The following EYA1 variants were observed in gnomAD, a reference collection of about 807,000 sequenced individuals.
EYA1 encodes the protein protein phosphatase EYA1.
In EYA1, 16 loss-of-function variants were observed where a neutral mutation model predicts 82.0. The ratio of observed to expected loss-of-function variants is 0.20; its 90% CI spans 0.13 to 0.30. The LOEUF (loss-of-function observed/expected upper bound fraction) is 0.30. Ranked by LOEUF, EYA1 falls within the 10% of genes least tolerant of loss-of-function variation. The pLI is 1.00. For synonymous variants in EYA1, 261 were observed against 264.4 expected, an observed-to-expected ratio of 0.99 and a Z score of 0.12; for missense variants, 633 against 730.7, an observed-to-expected ratio of 0.87 and a Z score of 1.54.
intron 7 of EYA1, among the ~76,000 whole-genome samples, chr8:71,309,047 C>T (rs1229798368): frequency 6.6e-6 from 1 of 152,168 alleles, no homozygotes; most frequent in Non-Finnish European, 1.5e-5. Context: ...CTATTTAAAA[C>T]CAGGATTTTC....
intron 1 of EYA1, among the ~76,000 whole-genome samples, chr8:71,545,604 C>T (rs762834097): frequency 7.0e-6 from 1 of 143,018 alleles, no homozygotes; most frequent in Non-Finnish European, 1.5e-5. Flanking sequence ...CTCTGTCGCC[C>T]AGGCTGGAGT....
At chr8:71,543,199 T>C (rs1815288908) in intron 1 of EYA1, among the ~76,000 whole-genome samples, 1 of 152,174 alleles carries the variant, frequency 6.6e-6, no homozygotes. Context: ...TACTTTTATC[T>C]AGAAAGATCT....
chr8:71,335,798 AACAC>A (rs3837168), intron 3 of EYA1, among the ~76,000 whole-genome samples: 3 of 150,566 alleles, frequency 2.0e-5, no homozygotes, highest in Non-Finnish European at 4.4e-5. Context: ...CCTCCTTAAA[AACAC>A]ACACACACAC....
upstream of EYA1, among the ~76,000 whole-genome samples, chr8:71,365,632 T>C (rs1038903427): frequency 2.0e-5 from 3 of 152,188 alleles, no homozygotes; most frequent in Admixed American, 2.0e-4. Flanking sequence ...CACATAAATT[T>C]ATTTTTCTTA....
At chr8:71,292,591 A>C (rs1344211198) in intron 9 of EYA1, among the ~76,000 whole-genome samples, 1 of 152,062 alleles carries the variant, frequency 6.6e-6, no homozygotes, top group Non-Finnish European at 1.5e-5. Flanking sequence ...TAAGATGTTA[A>C]TATCTGGGTA....
intron 2 of EYA1, among the ~76,000 whole-genome samples, chr8:71,422,748 C>T (rs1399985955): frequency 2.6e-5 from 4 of 151,956 alleles, no homozygotes; most frequent in Non-Finnish European, 5.9e-5. Flanking sequence ...GGGAAAAGCC[C>T]CTTATAAAAC....
intron 7 of EYA1, among the ~76,000 whole-genome samples, chr8:71,314,340 G>C (rs1821668503): frequency 6.6e-6 from 1 of 152,146 alleles, no homozygotes. Context: ...TCACAATTAA[G>C]TACCCAAATC....
chr8:71,418,826 G>C (rs1196663334), intron 2 of EYA1, among the ~76,000 whole-genome samples: 1 of 152,030 alleles, frequency 6.6e-6, no homozygotes, highest in Non-Finnish European at 1.5e-5. Flanking sequence ...AGGGAGGGAG[G>C]TGCTCTTCTA....
intron 10 of EYA1, 136 bp from the exon 11 acceptor site, chr8:71,269,959 C>A: frequency 1.4e-6 from 1 of 721,624 alleles, no homozygotes; most frequent in Non-Finnish European, 2.5e-6. Context: ...AAAAAAAACA[C>A]AACTGTTTCA....
chr8:71,530,729 TTA>T (rs1449855934), intron 2 of EYA1: 6 of 152,228 alleles, frequency 3.9e-5, no homozygotes, highest in Non-Finnish European at 7.3e-5. Flanking sequence ...AAGTCACCTT[TTA>T]TTTCTAGCAT....
At chr8:71,350,391 G>T (rs989832027) in intron 3 of EYA1, among the ~76,000 whole-genome samples, 1 of 151,912 alleles carries the variant, frequency 6.6e-6, no homozygotes, top group Admixed American at 6.6e-5. Context: ...GATAAAAACA[G>T]CTTAAGATAG....
intron 2 of EYA1, among the ~76,000 whole-genome samples, chr8:71,399,063 T>C (rs1829800712): frequency 6.6e-6 from 1 of 152,186 alleles, no homozygotes; most frequent in South Asian, 2.1e-4. Context: ...TAGCAGTAAG[T>C]GAGGCTCTGT....
intron 12 of EYA1, among the ~76,000 whole-genome samples, chr8:71,236,780 G>A (rs551064633): frequency 1.3e-5 from 2 of 152,280 alleles, no homozygotes; most frequent in South Asian, 2.1e-4. Context: ...AAAAGATATA[G>A]GACAAGTGTT....
chr8:71,221,158 TC>T (rs1340730410), intron 12 of EYA1, among the ~76,000 whole-genome samples: 3 of 152,192 alleles, frequency 2.0e-5, no homozygotes, highest in Admixed American at 6.5e-5. Flanking sequence ...CCACCGCTTG[TC>T]CTTGTGGCTT....
At chr8:71,323,335 C>T (rs777790509) in intron 4 of EYA1, among the ~76,000 whole-genome samples, 27 of 152,056 alleles carry the variant, frequency 1.8e-4, no homozygotes, top group Non-Finnish European at 3.5e-4. Context: ...TTACTATCTT[C>T]GGAGGCTCTA....
At chr8:71,347,311 G>GTTTT (rs1825835974) in intron 3 of EYA1, among the ~76,000 whole-genome samples, 1 of 148,656 alleles carries the variant, frequency 6.7e-6, no homozygotes, top group African/African-American at 2.5e-5. Context: ...CCTAAAGATT[G>GTTTT]TTTTATTTAT....
chr8:71,471,701 C>T (rs556994367), intron 2 of EYA1, among the ~76,000 whole-genome samples: 8 of 152,080 alleles, frequency 5.3e-5, no homozygotes, highest in African/African-American at 1.9e-4. Flanking sequence ...TTCTACCTTC[C>T]CAAAGTATAA....
intron 17 of EYA1, chr8:71,200,200 G>A (rs1363112257): frequency 6.6e-6 from 1 of 151,918 alleles, no homozygotes; most frequent in East Asian, 1.9e-4. Flanking sequence ...TCACCCTCAG[G>A]AGAACAAAAT....
At chr8:71,317,083 C>G (rs1822005024) in intron 7 of EYA1, among the ~76,000 whole-genome samples, 1 of 152,198 alleles carries the variant, frequency 6.6e-6, no homozygotes, top group Admixed American at 6.5e-5. Context: ...TTATTCAACA[C>G]TTATCACATA....
Sources: allele counts gnomAD v4.1 joint callset (sites outside exome capture counted in the v4.1 genomes callset), GRCh38; gene constraint gnomAD v4.1.1; transcripts MANE v1.5; gene names NCBI Gene and HGNC (gene_info 2026-07-23, HGNC 2026-07-21).